Variants in SCAF11 observed in about 807,000 individuals in gnomAD.
The protein encoded by SCAF11 is protein SCAF11.
In SCAF11, 47 loss-of-function variants were observed where a neutral mutation model predicts 140.5. The observed-to-expected ratio is 0.33, with a 90% confidence interval of 0.26 to 0.43. The LOEUF (loss-of-function observed/expected upper bound fraction) is 0.43, where lower values mean the gene tolerates loss of function less well. SCAF11 is among the 20% of genes least tolerant of loss of function. The pLI is 1.00. For synonymous variants in SCAF11, 557 were observed against 579.4 expected, an observed-to-expected ratio of 0.96 and a Z score of 0.55; for missense variants, 1,645 against 1,705.1, an observed-to-expected ratio of 0.96 and a Z score of 0.62.
intron 1 of SCAF11, among the ~76,000 whole-genome samples, chr12:45,966,582 G>C (rs1945954673): frequency 1.3e-5 from 2 of 152,050 alleles, no homozygotes; most frequent in South Asian, 4.2e-4. Context: ...AATACTGAGG[G>C]AAAGCTTCTG....
At position 45,928,252 on chromosome 12, in the gene SCAF11, A is replaced by T. The variant is rs192115019; in HGVS notation, c.1449T>A (p.Pro483=). Reference sequence around the variant, plus strand: ...CTTCCCCTTCCTCACCAACTAGCACAGGAAGATCTTGAGCACAAGACTCAG... The same window carrying T: ...CTTCCCCTTCCTCACCAACTAGCACTGGAAGATCTTGAGCACAAGACTCAG... ...SSSESCAQDL[P]VLVGEEGEVK... is the part of the protein sequence containing the mutation. Residue 483 remains proline, a synonymous_variant, in exon 11 of 15, where the codon CCT becomes CCA. Coordinates refer to ENST00000369367, the MANE Select transcript of SCAF11 (RefSeq NM_004719.3). The T allele has an allele frequency of 6.2e-7, 1 of 1,614,044 alleles. No homozygotes were observed. The highest frequency in any genetic ancestry group is 8.5e-7 in the Non-Finnish European group (1 of 1,180,002).
intron 6 of SCAF11, chr12:45,934,836 A>G (rs896261346): frequency 5.8e-6 from 1 of 171,350 alleles, no homozygotes; most frequent in African/African-American, 2.4e-5. Flanking sequence ...CAAAAGGTAT[A>G]CACAAGAAGT....
At chr12:45,939,601 G>A (rs1002823708) in intron 6 of SCAF11, among the ~76,000 whole-genome samples, 1 of 152,240 alleles carries the variant, frequency 6.6e-6, no homozygotes, top group Non-Finnish European at 1.5e-5. Context: ...GGGAGGCTGA[G>A]ACAGAAGAAT....
At chr12:45,974,278 A>T (rs1321784286) in intron 1 of SCAF11, 1 of 466,688 alleles carries the variant, frequency 2.1e-6, no homozygotes, top group Non-Finnish European at 4.4e-6. Flanking sequence ...TTTGATGTTG[A>T]TGGTTGCTGA....
chr12:45,924,222 C>CA (rs1183342753), intron 12 of SCAF11, among the ~76,000 whole-genome samples: 2 of 152,164 alleles, frequency 1.3e-5, no homozygotes, highest in Non-Finnish European at 2.9e-5. Flanking sequence ...TTCTATGTCT[C>CA]ACAGAGGCAC....
intron 6 of SCAF11, among the ~76,000 whole-genome samples, chr12:45,938,690 T>G (rs1160102981): frequency 6.6e-6 from 1 of 151,770 alleles, no homozygotes; most frequent in Non-Finnish European, 1.5e-5. Flanking sequence ...CGAAAGGATG[T>G]TTCATGAAAA....
chr12:45,936,275 G>C (rs1945171979), intron 6 of SCAF11, among the ~76,000 whole-genome samples: 1 of 151,842 alleles, frequency 6.6e-6, no homozygotes, highest in African/African-American at 2.4e-5. Flanking sequence ...CTGAGCAGCT[G>C]GGACTACAGG....
chr12:45,988,022 T>C (rs771274937), intron 1 of SCAF11, among the ~76,000 whole-genome samples: 3 of 152,204 alleles, frequency 2.0e-5, no homozygotes, highest in Non-Finnish European at 4.4e-5. Context: ...AAGAGAATGA[T>C]ACTGGATATT....
intron 12 of SCAF11, among the ~76,000 whole-genome samples, chr12:45,924,369 G>A (rs936681784): frequency 1.8e-4 from 27 of 151,994 alleles, no homozygotes; most frequent in Admixed American, 1.3e-3. Context: ...AGTTCCCACC[G>A]TCCCCATATA....
intron 4 of SCAF11, among the ~76,000 whole-genome samples, chr12:45,949,584 G>A (rs1352588491): frequency 6.6e-6 from 1 of 152,082 alleles, no homozygotes; most frequent in East Asian, 1.9e-4. Context: ...GAGGGATACA[G>A]AAGAAACATA....
At chr12:45,942,672 A>G (rs1945332622) in intron 6 of SCAF11, among the ~76,000 whole-genome samples, 1 of 152,192 alleles carries the variant, frequency 6.6e-6, no homozygotes, top group Non-Finnish European at 1.5e-5. Flanking sequence ...AGATTCCCTG[A>G]GATATCTTCA....
intron 1 of SCAF11, among the ~76,000 whole-genome samples, chr12:45,972,945 T>TAGATATATATATAGATATATATATAG (rs1555171452): frequency 1.0e-5 from 1 of 99,216 alleles, no homozygotes; most frequent in African/African-American, 4.9e-5. Context: ...TATAGATATA[T>TAGATATATATATAGATATATATATAG]ATATAGATAT....
Position 45,946,509 on chromosome 12 carries a change from G to A in SCAF11, c.399-1196C>T, listed in dbSNP as rs536462168. Among the ~76,000 whole-genome samples, 4 of 152,266 alleles carry A rather than the reference G, an allele frequency of 2.6e-5. No individual in the cohort carries two copies. In the South Asian group the frequency reaches 8.3e-4, roughly 32 times the overall value. On this transcript the variant is annotated intron_variant, in intron 5 of 14. Transcript: ENST00000369367. ...TGTTATTTCCTTATGACAAATCTCA[G>A]AAAAAGCAGTTAAATATGGGGACGA...
At position 45,983,256 on chromosome 12, in the gene SCAF11, C is replaced by T. The variant is rs79118680; in HGVS notation, c.-22+7097G>A. On this transcript the variant is annotated intron_variant, in intron 1 of 14. Coordinates refer to ENST00000369367, the MANE Select transcript of SCAF11 (RefSeq NM_004719.3). ...GGCAGTGGTGGAGAGATGGAAAGTA[C>T]GAGAAACTAGTTAGGAGAAAATGGA... Among the ~76,000 whole-genome samples the T allele has an allele frequency of 1.6e-4, 25 of 151,742 alleles. No individual in the cohort carries two copies. The East Asian group carries it at 3.7e-3, about 22-fold the overall frequency.
At chr12:45,972,451 G>GGT (rs1257816235) in intron 1 of SCAF11, among the ~76,000 whole-genome samples, 1 of 151,860 alleles carries the variant, frequency 6.6e-6, no homozygotes, top group Non-Finnish European at 1.5e-5. Flanking sequence ...CAAGCATAGT[G>GGT]GTGTGTCACT....
At chr12:45,922,252 A>T (rs1325797545) in intron 14 of SCAF11, 58 bp from the exon 15 acceptor site, 1 of 1,535,258 alleles carries the variant, frequency 6.5e-7, no homozygotes, top group East Asian at 2.3e-5. Flanking sequence ...TTAAAGCCAA[A>T]ATAGAAAGCT....
intron 3 of SCAF11, among the ~76,000 whole-genome samples, chr12:45,957,707 A>T (rs1162026422): frequency 6.6e-6 from 1 of 152,204 alleles, no homozygotes; most frequent in African/African-American, 2.4e-5. Flanking sequence ...GAAATATTTT[A>T]TATTATGTAA....
chr12:45,926,712 TTG>T lies in SCAF11; in HGVS notation c.2987_2988del (p.Thr996LysfsTer6). 2 of 1,613,282 alleles carry T rather than the reference TTG, an allele frequency of 1.2e-6. No individual in the cohort carries two copies. Among genetic ancestry groups the T allele is most frequent in the Non-Finnish European group, 1.7e-6 (2 of 1,179,904 alleles). On this transcript the variant is annotated frameshift_variant, in exon 11 of 15. Transcript: ENST00000369367. LOFTEE classifies it high-confidence loss of function. ...AGATGGATGTCATTTTTTTCTTTTC[TTG>T]TATTTTCATTCTGTTTCTCTGGGTC... ...KNDPEKQNEN[T>X]RKEKNDIHLD...
intron 1 of SCAF11, among the ~76,000 whole-genome samples, chr12:45,967,232 A>C (rs1224128380): frequency 1.3e-5 from 2 of 151,754 alleles, no homozygotes; most frequent in Non-Finnish European, 2.9e-5. Context: ...AAAAAAAAAC[A>C]ACCTACAATT....
Sources: gnomAD v4.1 joint callset for allele counts (sites outside exome capture counted in the v4.1 genomes callset) on GRCh38, gnomAD v4.1.1 for gene constraint, MANE v1.5 for transcripts, NCBI Gene and HGNC (gene_info 2026-07-23, HGNC 2026-07-21) for gene names.